Variants in EPHA6 observed in about 807,000 individuals in gnomAD.
EPHA6 encodes the protein EPH receptor A6.
Under a neutral mutation model 112.0 loss-of-function variants are expected in EPHA6, and 50 were observed. That is an observed-to-expected ratio of 0.45 (90% CI 0.36 to 0.56). The LOEUF (loss-of-function observed/expected upper bound fraction) is 0.56, where lower values mean the gene tolerates loss of function less well. EPHA6 is among the 20% of genes least tolerant of loss of function. The pLI is 0.00. For synonymous variants in EPHA6, 529 were observed against 490.7 expected, an observed-to-expected ratio of 1.08 and a Z score of -1.03; for missense variants, 1,280 against 1,417.4, an observed-to-expected ratio of 0.90 and a Z score of 1.56.
chr3:96,986,729 A>G (rs1237216620), intron 2 of EPHA6, among the ~76,000 whole-genome samples: 1 of 152,300 alleles, frequency 6.6e-6, no homozygotes, highest in South Asian at 2.1e-4. Context: ...CAGCTTGTTA[A>G]CTGCTGTATT....
At position 96,814,656 on chromosome 3, in the gene EPHA6, C is replaced by A; in HGVS notation, c.33C>A (p.Ser11Arg). The A allele has an allele frequency of 6.8e-7, 1 of 1,475,296 alleles. No individual in the cohort carries two copies. The allele number at this position is 1,475,296 out of a possible 1,614,324, so 91.4% of individuals were successfully genotyped here. ...TCCCCTCGCCTCCAGCCGCGAGGAG[C>A]TCCCCGGCGCCGCAGGCAGCGTCCT... MQFPSPPAAR[S>R]SPAPQAASSS... The change falls in exon 1 of 18, where the codon AGC becomes AGA. Residue 11 changes from serine to arginine, a missense_variant. This residue lies in a region of EPHA6 where 220 missense variants were observed against 171.5 expected (regional missense o/e 1.28). Transcript: ENST00000389672.
chr3:97,039,335 A>C (rs2045229793), intron 3 of EPHA6, among the ~76,000 whole-genome samples: 1 of 152,118 alleles, frequency 6.6e-6, no homozygotes, highest in Non-Finnish European at 1.5e-5. Context: ...TGCTGCAAAA[A>C]ATGTGAGTTA....
At chr3:96,913,860 G>A (rs1483075054) in intron 2 of EPHA6, among the ~76,000 whole-genome samples, 1 of 152,064 alleles carries the variant, frequency 6.6e-6, no homozygotes, top group African/African-American at 2.4e-5. Context: ...CTTTCTGAAT[G>A]CATTTAAAAA....
At chr3:97,427,642 AG>A (rs2089233290) in intron 6 of EPHA6, among the ~76,000 whole-genome samples, 1 of 152,060 alleles carries the variant, frequency 6.6e-6, no homozygotes, top group African/African-American at 2.4e-5. Flanking sequence ...CCCATGACAC[AG>A]GTTTACCTGT....
chr3:97,008,822 A>G (rs1249023631), intron 3 of EPHA6, among the ~76,000 whole-genome samples: 6 of 151,832 alleles, frequency 4.0e-5, no homozygotes, highest in African/African-American at 4.8e-5. Flanking sequence ...GTTGTTGATG[A>G]TGATGATGCT....
chr3:97,211,274 AG>A lies in EPHA6; in HGVS notation c.1115-14988del, dbSNP rs546396190. On this transcript the variant is annotated intron_variant, in intron 3 of 17. Coordinates refer to ENST00000389672, the MANE Select transcript of EPHA6 (RefSeq NM_001080448.3). ...ACATTATTTAATATTACTTAGCTTC[AG>A]GTTCCTCATCTTAATAATAAAATGG... Among the ~76,000 whole-genome samples the A allele has an allele frequency of 1.4e-3, 216 of 152,292 alleles. 2 individuals are homozygous for A. In the South Asian group the frequency reaches 0.02, roughly 14 times the overall value.
chr3:96,860,375 C>T (rs906783904), intron 1 of EPHA6, among the ~76,000 whole-genome samples: 15 of 151,596 alleles, frequency 9.9e-5, no homozygotes, highest in African/African-American at 1.9e-4. Flanking sequence ...TTTAAAGTAA[C>T]GGTTTCAGTA....
intron 16 of EPHA6, among the ~76,000 whole-genome samples, chr3:97,737,970 TA>T (rs1462804691): frequency 6.6e-6 from 1 of 151,988 alleles, no homozygotes; most frequent in Non-Finnish European, 1.5e-5. Context: ...TCAAGGAGTA[TA>T]ATGTCCAAGC....
At chr3:97,414,799 A>G (rs1336915471) in intron 6 of EPHA6, among the ~76,000 whole-genome samples, 1 of 152,220 alleles carries the variant, frequency 6.6e-6, no homozygotes, top group East Asian at 1.9e-4. Flanking sequence ...ATCTGCCCAG[A>G]AAAATCAATT....
intron 3 of EPHA6, among the ~76,000 whole-genome samples, chr3:97,141,472 A>G (rs2075902560): frequency 2.0e-5 from 3 of 151,836 alleles, no homozygotes; most frequent in Admixed American, 1.3e-4. Context: ...TAAAAATAAT[A>G]TCAAGTATCT....
At chr3:97,636,800 G>A (rs929872099) in intron 13 of EPHA6, among the ~76,000 whole-genome samples, 1 of 151,924 alleles carries the variant, frequency 6.6e-6, no homozygotes, top group African/African-American at 2.4e-5. Context: ...TGCTTCTAAT[G>A]TATAACATAA....
chr3:97,090,817 G>C (rs932488052), intron 3 of EPHA6, among the ~76,000 whole-genome samples: 3 of 152,042 alleles, frequency 2.0e-5, no homozygotes, highest in Admixed American at 6.6e-5. Flanking sequence ...AACTTAGAGA[G>C]TTGAGATTTA....
At chr3:97,444,250 G>A (rs189718667) in intron 6 of EPHA6, among the ~76,000 whole-genome samples, 1 of 151,884 alleles carries the variant, frequency 6.6e-6, no homozygotes, top group Non-Finnish European at 1.5e-5. Flanking sequence ...ATAAAACAAA[G>A]AGGTGACACC....
rs372440392 is a variant in EPHA6, at chr3:97,481,849, G to A, written c.2075-2085G>A. The stretch of plus-strand genomic sequence containing the variant: ...CAGACACCTGGGCTGATGACTTAAC[G>A]CAGGGCAACCTTAAGATTCACTGCA... On this transcript the variant is annotated intron_variant, in intron 9 of 17. Transcript: ENST00000389672. 9.7e-4 allele frequency among the ~76,000 whole-genome samples: 147 copies of A among 152,316 alleles called. 2 individuals carry two copies. The East Asian group carries it at 0.013, about 13-fold the overall frequency.
At chr3:97,112,160 CAA>C (rs1265291550) in intron 3 of EPHA6, among the ~76,000 whole-genome samples, 9 of 152,158 alleles carry the variant, frequency 5.9e-5, no homozygotes, top group South Asian at 2.1e-4. Context: ...AAATAAAAAA[CAA>C]AGACAATTTT....
intron 13 of EPHA6, among the ~76,000 whole-genome samples, chr3:97,633,048 C>T (rs1385854529): frequency 6.6e-6 from 1 of 152,022 alleles, no homozygotes; most frequent in African/African-American, 2.4e-5. Context: ...CATGAAGCAG[C>T]GCCTTGACAA....
chr3:97,147,282 A>G (rs1224349188), intron 3 of EPHA6, among the ~76,000 whole-genome samples: 1 of 152,120 alleles, frequency 6.6e-6, no homozygotes, highest in African/African-American at 2.4e-5. Context: ...TTGTATAGTC[A>G]TGAATGTCGG....
At chr3:97,644,842 C>T (rs898951138) in intron 14 of EPHA6, among the ~76,000 whole-genome samples, 2 of 151,942 alleles carry the variant, frequency 1.3e-5, no homozygotes, top group Admixed American at 6.6e-5. Context: ...GATTCACAGC[C>T]GAATTCTACC....
chr3:97,268,198 C>T (rs926004636), intron 5 of EPHA6, among the ~76,000 whole-genome samples: 1 of 152,156 alleles, frequency 6.6e-6, no homozygotes, highest in African/African-American at 2.4e-5. Context: ...TCTTCTGTCT[C>T]TTTTCATTAG....
Sources: gnomAD v4.1 joint callset for allele counts (sites outside exome capture counted in the v4.1 genomes callset) on GRCh38, gnomAD v4.1.1 for gene constraint, gnomAD v4.1.1 regional missense constraint, MANE v1.5 for transcripts, NCBI Gene and HGNC (gene_info 2026-07-23, HGNC 2026-07-21) for gene names.